The following SPOCK1 variants were observed in gnomAD, a reference collection of about 807,000 sequenced individuals.
SPOCK1 encodes testican-1.
Under a neutral mutation model 55.3 loss-of-function variants are expected in SPOCK1, and 23 were observed. The ratio of observed to expected loss-of-function variants is 0.42; its 90% confidence interval spans 0.30 to 0.59. The LOEUF is 0.59. SPOCK1 is among the 20% of genes least tolerant of loss of function. The probability of loss-of-function intolerance (pLI) is 0.22; values close to 1 mark genes in which losing one functional copy is unlikely to be tolerated. For missense variants in SPOCK1, 499 were observed against 552.5 expected (o/e 0.90, Z 0.97); for synonymous variants, 226 against 221.0 (o/e 1.02, Z -0.20).
chr5:137,480,483 T>G (rs1753927547), intron 2 of SPOCK1, among the ~76,000 whole-genome samples: 2 of 152,210 alleles, frequency 1.3e-5, no homozygotes, highest in Admixed American at 1.3e-4. Context: ...CATAGAGTTG[T>G]TTTGCTTTGC....
intron 1 of SPOCK1, among the ~76,000 whole-genome samples, chr5:137,498,859 T>C (rs1454548382): frequency 1.3e-5 from 2 of 152,078 alleles, no homozygotes; most frequent in African/African-American, 2.4e-5. Context: ...AGGGGCTTGG[T>C]ACCCCTCCCC....
In SPOCK1 at chr5:137,434,480, C is replaced by CTTTTTTTTTTTTTTTTTT. The variant is rs146762668; in HGVS notation, c.186+63875_186+63892dup. Among the ~76,000 whole-genome samples, 26 of 68,224 alleles carry CTTTTTTTTTTTTTTTTTT rather than the reference C, an allele frequency of 3.8e-4. 4 individuals carry two copies. Among genetic ancestry groups the CTTTTTTTTTTTTTTTTTT allele is most frequent in the Admixed American group, 4.8e-4 (2 of 4,186 alleles). The allele number at this position is 68,224 out of a possible 152,430, so 44.8% of individuals were successfully genotyped here. On this transcript the variant is annotated intron_variant, in intron 2 of 10. Transcript: ENST00000394945. ...TTTCCCTTCTCCATTTCTTTTTTTT[C>CTTTTTTTTTTTTTTTTTT]TTTTTTTTTTTTTTTTTTTTTTTTT...
At chr5:137,007,721 G>C (rs943046403) in intron 6 of SPOCK1, among the ~76,000 whole-genome samples, 3 of 152,150 alleles carry the variant, frequency 2.0e-5, no homozygotes, top group Non-Finnish European at 4.4e-5. Flanking sequence ...GATTGTAGAA[G>C]ACAATGTGGC....
chr5:137,370,121 A>C (rs2127170328), intron 2 of SPOCK1, among the ~76,000 whole-genome samples: 1 of 152,270 alleles, frequency 6.6e-6, no homozygotes, highest in Admixed American at 6.5e-5. Context: ...TTCGTCTCCT[A>C]GGACCTAGGC....
chr5:137,438,754 C>A (rs1353688419), intron 2 of SPOCK1, among the ~76,000 whole-genome samples: 1 of 152,138 alleles, frequency 6.6e-6, no homozygotes. Context: ...CTCTTCTCAG[C>A]CAAAATGAAC....
chr5:137,034,276 C>T (rs969677965), intron 6 of SPOCK1, among the ~76,000 whole-genome samples: 4 of 152,162 alleles, frequency 2.6e-5, no homozygotes, highest in Non-Finnish European at 5.9e-5. Context: ...GTGCGAGTAC[C>T]ATGTACAGTG....
chr5:137,094,815 T>C (rs1753112379), intron 5 of SPOCK1, among the ~76,000 whole-genome samples: 1 of 152,266 alleles, frequency 6.6e-6, no homozygotes. Flanking sequence ...TTTCCTCCAA[T>C]AACTTTTCAT....
intron 2 of SPOCK1, among the ~76,000 whole-genome samples, chr5:137,290,594 C>T (rs1757354734): frequency 6.6e-6 from 1 of 152,146 alleles, no homozygotes; most frequent in Non-Finnish European, 1.5e-5. Flanking sequence ...GTACTTTGCA[C>T]ACATGCGTAT....
At chr5:137,229,845 A>C (rs538776098) in intron 3 of SPOCK1, among the ~76,000 whole-genome samples, 2 of 152,116 alleles carry the variant, frequency 1.3e-5, no homozygotes, top group African/African-American at 4.8e-5. Flanking sequence ...ACAGCTCACA[A>C]TAGGGTTCGT....
At chr5:137,473,156 A>G (rs558889753) in intron 2 of SPOCK1, among the ~76,000 whole-genome samples, 174 of 152,226 alleles carry the variant, frequency 1.1e-3, no homozygotes, top group Non-Finnish European at 2.0e-3. Context: ...TAAATGCACA[A>G]GATTATTCAC....
chr5:137,246,098 C>A (rs1482091494), intron 3 of SPOCK1, among the ~76,000 whole-genome samples: 1 of 152,198 alleles, frequency 6.6e-6, no homozygotes, highest in African/African-American at 2.4e-5. Context: ...CCCCTACAAG[C>A]AGCCCATCAT....
intron 5 of SPOCK1, among the ~76,000 whole-genome samples, chr5:137,090,656 T>C (rs1198878259): frequency 6.6e-6 from 1 of 152,184 alleles, no homozygotes; most frequent in Non-Finnish European, 1.5e-5. Context: ...CGAGCTTGAT[T>C]GTGATGTAAA....
intron 6 of SPOCK1, among the ~76,000 whole-genome samples, chr5:137,065,744 T>C (rs780827013): frequency 6.6e-6 from 1 of 152,242 alleles, no homozygotes; most frequent in Non-Finnish European, 1.5e-5. Context: ...TGTGCTTTTG[T>C]AAACATTTTG....
At chr5:137,424,910 A>T (rs950512970) in intron 2 of SPOCK1, among the ~76,000 whole-genome samples, 1 of 152,222 alleles carries the variant, frequency 6.6e-6, no homozygotes, top group African/African-American at 2.4e-5. Flanking sequence ...TACATGCGTG[A>T]ATACATTTGT....
chr5:136,981,142 G>A (rs1012133954), intron 9 of SPOCK1, among the ~76,000 whole-genome samples: 3 of 152,138 alleles, frequency 2.0e-5, no homozygotes, highest in South Asian at 2.1e-4. Flanking sequence ...CTTAGAGAGT[G>A]GGGCTGAGCA....
intron 2 of SPOCK1, among the ~76,000 whole-genome samples, chr5:137,335,993 CA>C (rs2127153593): frequency 6.6e-6 from 1 of 152,298 alleles, no homozygotes; most frequent in Non-Finnish European, 1.5e-5. Context: ...AGAGGACTCA[CA>C]GACCCTAATG....
At chr5:137,277,723 C>A (rs769681301) in intron 2 of SPOCK1, among the ~76,000 whole-genome samples, 8 of 152,136 alleles carry the variant, frequency 5.3e-5, no homozygotes, top group Non-Finnish European at 8.8e-5. Context: ...AGTGGACAGC[C>A]GGTCTATCTG....
chr5:137,350,042 T>C (rs1208514000), intron 2 of SPOCK1, among the ~76,000 whole-genome samples: 1 of 152,072 alleles, frequency 6.6e-6, no homozygotes, highest in African/African-American at 2.4e-5. Flanking sequence ...GGTGCTAAGA[T>C]CAGAAGAAAA....
intron 2 of SPOCK1, among the ~76,000 whole-genome samples, chr5:137,331,580 T>C (rs943883578): frequency 2.0e-5 from 3 of 152,296 alleles, no homozygotes; most frequent in South Asian, 4.1e-4. Context: ...ATGAGCCCTC[T>C]GGGGGCTTTT....
Sources: allele counts gnomAD v4.1 joint callset (sites outside exome capture counted in the v4.1 genomes callset), GRCh38; gene constraint gnomAD v4.1.1; transcripts MANE v1.5; gene names NCBI Gene and HGNC (gene_info 2026-07-23, HGNC 2026-07-21).